The following AGXT2 variants were observed in gnomAD, a reference collection of about 807,000 sequenced individuals.
AGXT2 encodes the protein alanine--glyoxylate aminotransferase 2, mitochondrial.
In AGXT2, 61 loss-of-function variants were observed where a neutral mutation model predicts 62.5. That is an observed-to-expected ratio of 0.98 (90% CI 0.79 to 1.21). The LOEUF is 1.21. AGXT2 is among the 50% of genes most tolerant of loss of function. The probability of loss-of-function intolerance (pLI) is 0.00; values close to 1 mark genes in which losing one functional copy is unlikely to be tolerated. For synonymous variants in AGXT2, 243 were observed against 218.7 expected (o/e 1.11, Z -0.98); for missense variants, 666 against 641.5 (o/e 1.04, Z -0.41).
chr5:35,010,128 G>C lies in AGXT2; in HGVS notation c.1210C>G (p.Gln404Glu). 1 of 1,614,176 alleles carries C rather than the reference G, an allele frequency of 6.2e-7. No individual in the cohort carries two copies. The highest frequency in any genetic ancestry group is 8.5e-7 in the Non-Finnish European group (1 of 1,180,028). ...VLEVIKEENL[Q>E]ENSQEVGTYM... ...GTCCCAACTTCTTGACTGTTTTCCT[G>C]TAGATTTTCTTCTTTAATCACCTGT... The change falls in exon 12 of 14, where the codon CAG (glutamine) becomes GAG (glutamate). Residue 404 changes from glutamine to glutamate, a missense_variant. Transcript: ENST00000231420.
At chr5:35,043,136 A>G (rs1264594835) in intron 1 of AGXT2, among the ~76,000 whole-genome samples, 1 of 152,186 alleles carries the variant, frequency 6.6e-6, no homozygotes, top group Non-Finnish European at 1.5e-5. Context: ...CCAAAATCAT[A>G]ATATCGAATG....
At chr5:35,009,417 A>C (rs1363804858) in intron 12 of AGXT2, among the ~76,000 whole-genome samples, 3 of 152,072 alleles carry the variant, frequency 2.0e-5, no homozygotes, top group Non-Finnish European at 4.4e-5. Context: ...GCAATATGGC[A>C]AAACCCCATT....
At chr5:35,040,015 G>A (rs548210898) in intron 2 of AGXT2, among the ~76,000 whole-genome samples, 48 of 151,840 alleles carry the variant, frequency 3.2e-4, no homozygotes, top group Non-Finnish European at 5.7e-4. Context: ...GTATCATGTC[G>A]AATAAAGGAG....
chr5:35,032,164 C>CTGG (rs1767585685), intron 7 of AGXT2, among the ~76,000 whole-genome samples: 1 of 151,702 alleles, frequency 6.6e-6, no homozygotes, highest in Non-Finnish European at 1.5e-5. Flanking sequence ...TGTTGGCCAG[C>CTGG]TGGTCTCAAA....
Position 34,998,189 on chromosome 5 carries a change from A to G in AGXT2, c.*530T>C, listed in dbSNP as rs775534833. 6.0e-6 allele frequency: 1 copy of G among 166,492 alleles called. No homozygotes were observed. The highest frequency in any genetic ancestry group is 1.3e-5 in the Non-Finnish European group (1 of 75,826). The allele number at this position is 166,492 out of a possible 1,614,324, so 10.3% of individuals were successfully genotyped here. On this transcript the variant is annotated 3_prime_UTR_variant, in exon 14 of 14. Coordinates refer to ENST00000231420, the MANE Select transcript of AGXT2 (RefSeq NM_031900.4). The stretch of plus-strand genomic sequence containing the variant: ...ATGCTTAAGTGAGTGCTTCTTTGAC[A>G]TCACTAAGCACTTGGCTTCCATCCA...
intron 5 of AGXT2, among the ~76,000 whole-genome samples, chr5:35,034,244 T>C (rs1346501188): frequency 6.6e-6 from 1 of 152,128 alleles, no homozygotes; most frequent in Non-Finnish European, 1.5e-5. Context: ...CGACCTAATG[T>C]ATCTTGAAAA....
In AGXT2 at chr5:35,039,456, A is replaced by G; in HGVS notation, c.230T>C (p.Val77Ala). ...GGGTTTCTGGAAATATGCCGTCACC[A>G]CAGGAGAAAGATGTTCCTTGTGGAT... is the stretch of plus-strand genomic sequence containing the variant. ...LEIHKEHLSP[V>A]VTAYFQKPLL... The change falls in exon 3 of 14, where the codon GTG becomes GCG. Residue 77 changes from valine (V) to alanine (A), a missense_variant. Val to Ala is a moderately conservative substitution (Grantham distance 64). Coordinates refer to ENST00000231420, the MANE Select transcript of AGXT2 (RefSeq NM_031900.4). 1 of 1,614,098 alleles carries G rather than the reference A, an allele frequency of 6.2e-7. No individual in the cohort carries two copies.
chr5:35,047,718 C>A, intron 1 of AGXT2, 87 bp downstream of exon 1: 1 of 1,525,904 alleles, frequency 6.6e-7, no homozygotes, highest in Non-Finnish European at 8.9e-7. Flanking sequence ...TCTAACATTC[C>A]AGAATCCCAG....
chr5:35,044,517 G>A (rs184260975), intron 1 of AGXT2, among the ~76,000 whole-genome samples: 35 of 152,326 alleles, frequency 2.3e-4, no homozygotes, highest in Admixed American at 1.8e-3. Flanking sequence ...GCCTGCATCC[G>A]CTAAGCAAAG....
chr5:35,021,840 T>C (rs1367728339), intron 9 of AGXT2, among the ~76,000 whole-genome samples: 1 of 152,140 alleles, frequency 6.6e-6, no homozygotes, highest in Non-Finnish European at 1.5e-5. Flanking sequence ...AAAGGGCTAA[T>C]ATCCAGAATC....
In AGXT2 at chr5:35,041,223, C is replaced by CAA. The variant is rs3034208; in HGVS notation, c.89-562_89-561dup. On this transcript the variant is annotated intron_variant, in intron 1 of 13. Transcript: ENST00000231420. ...CCCAGAAGACAAAACCTCCCCCCGC[C>CAA]AAAAAAAAAAAAAAAAAAAGGCTGC... 9.9e-3 allele frequency among the ~76,000 whole-genome samples: 511 copies of CAA among 51,386 alleles called. 19 individuals are homozygous for CAA. Among genetic ancestry groups the CAA allele is most frequent in the African/African-American group, 0.037 (416 of 11,116 alleles). 33.7% of individuals were successfully genotyped at this position (51,386 alleles called of 152,430 possible).
intron 13 of AGXT2, among the ~76,000 whole-genome samples, 168 bp from the exon 14 acceptor site, chr5:34,998,994 T>C (rs1052847839): frequency 6.6e-6 from 1 of 152,178 alleles, no homozygotes; most frequent in Non-Finnish European, 1.5e-5. Flanking sequence ...CCATTCACCC[T>C]CCAGTCTCCA....
chr5:35,006,228 T>C (rs1766414000), intron 12 of AGXT2, among the ~76,000 whole-genome samples: 1 of 152,212 alleles, frequency 6.6e-6, no homozygotes, highest in Non-Finnish European at 1.5e-5. Context: ...GCTGCAAATA[T>C]TCCTATTCAT....
intron 13 of AGXT2, 37 bp downstream of exon 13, chr5:35,003,726 A>G: frequency 1.9e-6 from 3 of 1,564,514 alleles, no homozygotes; most frequent in Non-Finnish European, 2.6e-6. Flanking sequence ...AGAGACTCCT[A>G]CCTAGAGCGA....
intron 12 of AGXT2, 134 bp from the exon 13 acceptor site, chr5:35,003,995 G>C: frequency 1.4e-6 from 1 of 736,516 alleles, no homozygotes; most frequent in Admixed American, 2.4e-5. Context: ...CTTTCTCTCT[G>C]TCCTCTCCTT....
chr5:35,026,513 G>T lies in AGXT2; in HGVS notation c.770-3C>A. On this transcript the variant is annotated splice_region_variant and splice_polypyrimidine_tract_variant and intron_variant, in intron 7 of 13. Coordinates refer to ENST00000231420, the MANE Select transcript of AGXT2 (RefSeq NM_031900.4). Reference sequence around the variant, plus strand: ...CTGATCTTTAGCTTGGCAGCAGTCTGCAAAAAGCAAACAACAAAACAAAAC... The same window carrying T: ...CTGATCTTTAGCTTGGCAGCAGTCTTCAAAAAGCAAACAACAAAACAAAAC... 1 of 1,609,374 alleles carries T rather than the reference G, an allele frequency of 6.2e-7. No homozygotes were observed. The highest frequency in any genetic ancestry group is 1.1e-5 in the South Asian group (1 of 90,980).
chr5:35,037,368 A>G (rs1459270409), intron 3 of AGXT2, among the ~76,000 whole-genome samples: 3 of 152,220 alleles, frequency 2.0e-5, no homozygotes, highest in Admixed American at 1.3e-4. Context: ...TCTTCTAGCT[A>G]TGCTTTCTTA....
At chr5:35,012,700 AG>A (rs1766690455) in intron 11 of AGXT2, 1 of 478,950 alleles carries the variant, frequency 2.1e-6, no homozygotes, top group Admixed American at 3.4e-5. Context: ...TCAGCTGGCT[AG>A]GAAAATTCTT....
chr5:35,025,684 A>T (rs773056043), intron 9 of AGXT2, 79 bp downstream of exon 9: 2 of 1,450,824 alleles, frequency 1.4e-6, no homozygotes, highest in Non-Finnish European at 1.9e-6. Context: ...TGCCTGGAAC[A>T]CAGAGGAAGT....
Sources: allele counts gnomAD v4.1 joint callset (sites outside exome capture counted in the v4.1 genomes callset), GRCh38; gene constraint gnomAD v4.1.1; transcripts MANE v1.5; gene names NCBI Gene and HGNC (gene_info 2026-07-23, HGNC 2026-07-21).